The following TNFAIP8 variants were observed in gnomAD, a reference collection of about 807,000 sequenced individuals.
TNFAIP8 encodes tumor necrosis factor alpha-induced protein 8.
In TNFAIP8, 7 loss-of-function variants were observed where a neutral mutation model predicts 13.3. That is an observed-to-expected ratio of 0.52 (90% CI 0.30 to 0.99). The LOEUF is 0.99. TNFAIP8 is among the 50% of genes least tolerant of loss of function. The pLI, the probability that TNFAIP8 is intolerant of heterozygous loss-of-function variation, is 0.07. For synonymous variants in TNFAIP8, 94 were observed against 87.6 expected (o/e 1.07, Z -0.41); for missense variants, 258 against 236.9 (o/e 1.09, Z -0.58).
intron 1 of TNFAIP8, among the ~76,000 whole-genome samples, chr5:119,274,487 A>G (rs888190183): frequency 6.6e-6 from 1 of 152,256 alleles, no homozygotes; most frequent in Non-Finnish European, 1.5e-5. Flanking sequence ...TTAGGCTGCT[A>G]GTGACTCATG....
intron 1 of TNFAIP8, among the ~76,000 whole-genome samples, chr5:119,389,881 T>C (rs1364640409): frequency 2.6e-5 from 4 of 152,256 alleles, no homozygotes; most frequent in Admixed American, 2.0e-4. Context: ...TGATTCATAC[T>C]TGATTACCAG....
chr5:119,322,633 C>G (rs1014804704), intron 1 of TNFAIP8, among the ~76,000 whole-genome samples: 2 of 152,222 alleles, frequency 1.3e-5, no homozygotes, highest in African/African-American at 4.8e-5. Flanking sequence ...AATCCACTTT[C>G]CTGATTTTCC....
intron 1 of TNFAIP8, among the ~76,000 whole-genome samples, chr5:119,377,518 G>C (rs1752329147): frequency 7.0e-6 from 1 of 143,180 alleles, no homozygotes. Context: ...CTGGTATGGA[G>C]AATCCAAGTT....
intron 1 of TNFAIP8, among the ~76,000 whole-genome samples, chr5:119,350,213 G>GA (rs1254885526): frequency 6.6e-6 from 1 of 151,998 alleles, no homozygotes; most frequent in Non-Finnish European, 1.5e-5. Flanking sequence ...TATTCTGAGG[G>GA]AAAAAAAATT....
At chr5:119,296,491 G>C (rs1034591593) in intron 1 of TNFAIP8, among the ~76,000 whole-genome samples, 1 of 152,050 alleles carries the variant, frequency 6.6e-6, no homozygotes, top group Non-Finnish European at 1.5e-5. Flanking sequence ...TGATCTTGGT[G>C]GATAAGCTTT....
chr5:119,286,999 A>G (rs528187981), intron 1 of TNFAIP8, among the ~76,000 whole-genome samples: 7 of 152,256 alleles, frequency 4.6e-5, no homozygotes, highest in Admixed American at 3.9e-4. Flanking sequence ...TCCAGAACGC[A>G]TCGCAAGCAT....
rs187692640 is a variant in TNFAIP8, at chr5:119,297,838, T to C, written c.1+28931T>C. 8.5e-3 allele frequency among the ~76,000 whole-genome samples: 1,290 copies of C among 152,336 alleles called. 21 individuals are homozygous for C. The highest frequency in any genetic ancestry group is 0.049 in the South Asian group (238 of 4,822). On this transcript the variant is annotated intron_variant, in intron 1 of 1. Coordinates refer to the TNFAIP8 transcript ENST00000274456. ...AGGATAGTTAGCTCTTCTTGTTGAA[T>C]TGATCCCTTTACCATTGTGTAATGG... is the stretch of plus-strand genomic sequence containing the variant.
At chr5:119,282,950 A>G (rs1040410212) in intron 1 of TNFAIP8, among the ~76,000 whole-genome samples, 3 of 152,150 alleles carry the variant, frequency 2.0e-5, no homozygotes, top group Non-Finnish European at 4.4e-5. Flanking sequence ...TTTTCATCTC[A>G]CTTAGTGGGG....
rs1215988200 is a variant in TNFAIP8, at chr5:119,360,971, C to T, written c.31+4850C>T. On this transcript the variant is annotated intron_variant, in intron 1 of 1. Coordinates refer to ENST00000504771, the MANE Select transcript of TNFAIP8 (RefSeq NM_014350.4). ...GTGAGAGGCAGGTAAACAGTGAGCT[C>T]ACTTGTTTTCATTCCTTTGAGAATA... 2.0e-5 allele frequency among the ~76,000 whole-genome samples: 3 copies of T among 152,068 alleles called. No individual in the cohort carries two copies. In the East Asian group the frequency reaches 5.8e-4, roughly 29 times the overall value.
At chr5:119,384,282 C>T (rs879510325) in intron 1 of TNFAIP8, among the ~76,000 whole-genome samples, 10 of 152,082 alleles carry the variant, frequency 6.6e-5, no homozygotes, top group South Asian at 2.1e-4. Context: ...GTCAGGAGTT[C>T]GAGACCAGCC....
At chr5:119,276,113 GT>G (rs771746591) in intron 1 of TNFAIP8, among the ~76,000 whole-genome samples, 3,268 of 143,970 alleles carry the variant, frequency 0.023, 83 homozygotes, top group African/African-American at 0.061. Flanking sequence ...GTTAAGTTCT[GT>G]TTTTTTTTTT....
chr5:119,358,602 CA>C (rs1432307359), intron 1 of TNFAIP8, among the ~76,000 whole-genome samples: 1 of 152,160 alleles, frequency 6.6e-6, no homozygotes, highest in African/African-American at 2.4e-5. Flanking sequence ...AGAAGAAACT[CA>C]CTTTTTTAAA....
intron 1 of TNFAIP8, among the ~76,000 whole-genome samples, chr5:119,337,689 G>A (rs570206770): frequency 2.5e-4 from 38 of 152,370 alleles, no homozygotes; most frequent in African/African-American, 7.5e-4. Context: ...GCAGTAGGCC[G>A]TAAGAAAGCT....
intron 1 of TNFAIP8, among the ~76,000 whole-genome samples, chr5:119,305,667 C>G (rs995914075): frequency 4.6e-5 from 7 of 152,146 alleles, no homozygotes; most frequent in African/African-American, 1.4e-4. Context: ...CTCAAATCTA[C>G]TTTTTGCACT....
At chr5:119,363,219 G>A (rs900713110) in intron 1 of TNFAIP8, among the ~76,000 whole-genome samples, 2 of 152,354 alleles carry the variant, frequency 1.3e-5, no homozygotes, top group Non-Finnish European at 2.9e-5. Context: ...AAGAGCTGCT[G>A]AAGATTGCTT....
intron 1 of TNFAIP8, among the ~76,000 whole-genome samples, chr5:119,391,677 T>G (rs1752896474): frequency 6.6e-6 from 1 of 151,226 alleles, no homozygotes; most frequent in African/African-American, 2.4e-5. Context: ...GAGAATCACT[T>G]GAACCCGGGA....
At chr5:119,355,915 TTCC>T, upstream of TNFAIP8, 1 of 1,342,798 alleles carries the variant, frequency 7.4e-7, no homozygotes, top group Non-Finnish European at 9.7e-7. Flanking sequence ...TTGCAGAACT[TTCC>T]CCCTGAAAAT....
chr5:119,300,004 C>T (rs1749312905), intron 1 of TNFAIP8, among the ~76,000 whole-genome samples: 1 of 152,230 alleles, frequency 6.6e-6, no homozygotes, highest in Non-Finnish European at 1.5e-5. Flanking sequence ...TTTCCAGGTG[C>T]CGTCTGTCAC....
chr5:119,380,558 A>G (rs1035057179), intron 1 of TNFAIP8, among the ~76,000 whole-genome samples: 1 of 152,258 alleles, frequency 6.6e-6, no homozygotes, highest in Non-Finnish European at 1.5e-5. Flanking sequence ...TATGTCTTCA[A>G]GAAAATATGT....
Sources: gnomAD v4.1 joint callset for allele counts (sites outside exome capture counted in the v4.1 genomes callset) on GRCh38, gnomAD v4.1.1 for gene constraint, MANE v1.5 for transcripts, NCBI Gene and HGNC (gene_info 2026-07-23, HGNC 2026-07-21) for gene names.